The following SMARCA2 variants were observed in gnomAD, a reference collection of about 807,000 sequenced individuals.
SMARCA2 encodes the protein SWI/SNF related BAF chromatin remodeling complex subunit ATPase 2, also known as SWI/SNF-related matrix-associated actin-dependent regulator of chromatin subfamily A member 2.
In SMARCA2, 61 loss-of-function variants were observed where a neutral mutation model predicts 199.8. That is an observed-to-expected ratio of 0.31 (90% confidence interval 0.25 to 0.38). SMARCA2 has a LOEUF of 0.38. Among genes scored for constraint, SMARCA2 ranks in the 10% least tolerant of loss-of-function variants. SMARCA2 has a pLI of 1.00. For missense variants in SMARCA2, 1,344 were observed against 2,012.2 expected (o/e 0.67, Z 6.35); for synonymous variants, 935 against 732.0 (o/e 1.28, Z -4.48).
At chr9:2,157,957 C>T in intron 27 of SMARCA2, 2 of 398,186 alleles carry the variant, frequency 5.0e-6, no homozygotes, top group Non-Finnish European at 8.9e-6. Context: ...CTGCCATGTG[C>T]TTTGCTAGCT....
intron 32 of SMARCA2, among the ~76,000 whole-genome samples, chr9:2,187,988 A>T (rs1005572319): frequency 1.4e-4 from 22 of 152,290 alleles, no homozygotes; most frequent in African/African-American, 5.3e-4. Flanking sequence ...ACGTCTCAAA[A>T]TATTACATGT....
chr9:2,089,997 T>G (rs1174799801), intron 19 of SMARCA2, among the ~76,000 whole-genome samples: 2 of 152,234 alleles, frequency 1.3e-5, no homozygotes, highest in African/African-American at 4.8e-5. Context: ...CATTCACTTC[T>G]AAGACTGGCT....
intron 5 of SMARCA2, among the ~76,000 whole-genome samples, chr9:2,053,041 A>G (rs1820192551): frequency 6.6e-6 from 1 of 152,212 alleles, no homozygotes; most frequent in Admixed American, 6.5e-5. Flanking sequence ...ATGTTGCATG[A>G]TGCTGAGGTT....
chr9:2,131,782 A>G (rs1027133143), intron 27 of SMARCA2, among the ~76,000 whole-genome samples: 2 of 152,190 alleles, frequency 1.3e-5, no homozygotes, highest in Non-Finnish European at 2.9e-5. Flanking sequence ...TCTACTAAAA[A>G]TGCAAAAATT....
rs139951036 is a variant in SMARCA2, at chr9:2,061,395, G to C, written c.1692+409G>C. On this transcript the variant is annotated intron_variant, in intron 9 of 33. Coordinates refer to ENST00000349721, the MANE Select transcript of SMARCA2 (RefSeq NM_003070.5). Reference sequence around the variant, plus strand: ...TACAGGTTGGAAGAAGCCAGAGGAAGATATAAGCAATAGTTACTTGGACAG... The same window carrying C: ...TACAGGTTGGAAGAAGCCAGAGGAACATATAAGCAATAGTTACTTGGACAG... 9.7e-3 allele frequency among the ~76,000 whole-genome samples: 1,471 copies of C among 152,310 alleles called. 39 individuals are homozygous for C. Among genetic ancestry groups the C allele is most frequent in the African/African-American group, 0.034 (1,410 of 41,564 alleles).
chr9:2,091,299 A>G, intron 19 of SMARCA2, among the ~76,000 whole-genome samples: 1 of 152,090 alleles, frequency 6.6e-6, no homozygotes, highest in East Asian at 1.9e-4. Flanking sequence ...TCATGCAGCC[A>G]CTCATCCGTT....
rs190274160 is a variant in SMARCA2 at position 2,180,222 on chromosome 9, G to A, written c.4254-1349G>A. On this transcript the variant is annotated intron_variant, in intron 29 of 33. Transcript: ENST00000349721. ...CACCCCTGATTTTCGTACTCATGAGGCCCATATGTGCATTAAAAAAATAAA... is the reference window on the plus strand; with the variant it reads ...CACCCCTGATTTTCGTACTCATGAGACCCATATGTGCATTAAAAAAATAAA... Among the ~76,000 whole-genome samples the A allele has an allele frequency of 2.0e-5, 3 of 152,012 alleles. No homozygotes were observed. In the East Asian group the frequency reaches 5.8e-4, roughly 29 times the overall value.
chr9:2,134,081 C>G (rs1432751110), intron 27 of SMARCA2, among the ~76,000 whole-genome samples: 4 of 152,102 alleles, frequency 2.6e-5, no homozygotes, highest in African/African-American at 9.7e-5. Context: ...TACGTATTAG[C>G]TATTAAGAAA....
intron 4 of SMARCA2, chr9:2,042,664 T>A (rs1334692736): frequency 6.6e-6 from 1 of 152,106 alleles, no homozygotes; most frequent in African/African-American, 2.4e-5. Context: ...TCTATTTTTT[T>A]TTTTTTTTTA....
intron 4 of SMARCA2, among the ~76,000 whole-genome samples, chr9:2,046,666 G>C (rs976768110): frequency 2.6e-5 from 4 of 152,106 alleles, no homozygotes; most frequent in Middle Eastern, 3.2e-3. Flanking sequence ...TCCAGATTGC[G>C]ATAGAGGTCT....
At position 2,110,354 on chromosome 9, in the gene SMARCA2, G is replaced by A; in HGVS notation, c.3393G>A (p.Leu1131=). 6.2e-7 allele frequency: 1 copy of A among 1,613,816 alleles called. No individual in the cohort carries two copies. Among genetic ancestry groups the A allele is most frequent in the Non-Finnish European group, 8.5e-7 (1 of 1,179,874 alleles). The part of the protein sequence containing the change: ...IFLLSTRAGG[L]GLNLQAADTV... ...TGCTGAGCACAAGAGCTGGTGGCCT[G>A]GGCTTAAATCTTCAGGCAGCTGATA... The change falls in exon 24 of 34, where the codon CTG becomes CTA. Residue 1131 remains leucine, a synonymous_variant. Coordinates refer to ENST00000349721, the MANE Select transcript of SMARCA2 (RefSeq NM_003070.5). This position sits in a 1 kb window ranked among gnomAD's most constrained non-coding sequence, Gnocchi z 4.8.
intron 21 of SMARCA2, among the ~76,000 whole-genome samples, chr9:2,101,044 G>A (rs1822490521): frequency 6.6e-6 from 1 of 152,098 alleles, no homozygotes; most frequent in African/African-American, 2.4e-5. Flanking sequence ...AACGGCATGA[G>A]GGAAACCTTC....
chr9:2,151,923 C>G (rs75233704), intron 27 of SMARCA2, among the ~76,000 whole-genome samples: 1,755 of 152,054 alleles, frequency 0.012, 36 homozygotes, highest in African/African-American at 0.04. Context: ...AAAAATCCTG[C>G]TTAGTTTGAC....
chr9:2,117,306 C>T (rs1823256032), intron 25 of SMARCA2, among the ~76,000 whole-genome samples: 1 of 151,906 alleles, frequency 6.6e-6, no homozygotes, highest in East Asian at 1.9e-4. Flanking sequence ...CCTAATTTGT[C>T]CGTCTTATAT....
At chr9:2,088,996 AG>A (rs912123203) in intron 19 of SMARCA2, among the ~76,000 whole-genome samples, 2 of 151,410 alleles carry the variant, frequency 1.3e-5, no homozygotes, top group African/African-American at 4.9e-5. Flanking sequence ...TCATCATTGA[AG>A]GGGGTGGTAA....
intron 27 of SMARCA2, among the ~76,000 whole-genome samples, chr9:2,149,342 AC>A (rs1176468233): frequency 6.6e-6 from 1 of 150,780 alleles, no homozygotes; most frequent in African/African-American, 2.4e-5. Flanking sequence ...GCATGGTGAA[AC>A]CCCATCTCTA....
chr9:2,026,411 T>C (rs888864622), intron 1 of SMARCA2, among the ~76,000 whole-genome samples: 2 of 152,220 alleles, frequency 1.3e-5, no homozygotes, highest in African/African-American at 4.8e-5. Flanking sequence ...CTAAGACGTT[T>C]TTAATAGTTT....
In SMARCA2 at chr9:2,090,882, T is replaced by A. The variant is rs546839183; in HGVS notation, c.2883+2269T>A. 5.9e-5 allele frequency among the ~76,000 whole-genome samples: 9 copies of A among 152,106 alleles called. No homozygotes were observed. The East Asian group carries it at 1.2e-3, about 20-fold the overall frequency. On this transcript the variant is annotated intron_variant, in intron 19 of 33. Transcript: ENST00000349721. ...TTTTTTTTTTTTAGCCTGGGGAAAGTTGGAAATTTCATTGCCATCCTAGGG... is the reference window on the plus strand; with the variant it reads ...TTTTTTTTTTTTAGCCTGGGGAAAGATGGAAATTTCATTGCCATCCTAGGG...
chr9:2,101,798 C>A (rs1822528898), intron 22 of SMARCA2, among the ~76,000 whole-genome samples, 182 bp downstream of exon 22: 1 of 152,204 alleles, frequency 6.6e-6, no homozygotes, highest in Non-Finnish European at 1.5e-5. Context: ...TAAATTATTA[C>A]TTGCCTTAAG....
Sources: gnomAD v4.1 joint callset for allele counts (sites outside exome capture counted in the v4.1 genomes callset) on GRCh38, gnomAD v4.1.1 for gene constraint, Gnocchi (gnomAD v3.1) non-coding constraint, MANE v1.5 for transcripts, NCBI Gene and HGNC (gene_info 2026-07-23, HGNC 2026-07-21) for gene names.